Variants in TJP1 observed in about 807,000 individuals in gnomAD.
TJP1 encodes the protein tight junction protein ZO-1.
TJP1 carries 43 observed loss-of-function variants against 194.2 expected under a neutral mutation model. The observed-to-expected ratio is 0.22, with a 90% CI of 0.17 to 0.29. The LOEUF (loss-of-function observed/expected upper bound fraction) is 0.29. TJP1 is among the 10% of genes least tolerant of loss of function. The probability of loss-of-function intolerance (pLI) is 1.00; values close to 1 mark genes in which losing one functional copy is unlikely to be tolerated. For synonymous variants in TJP1, 801 were observed against 779.0 expected (o/e 1.03, Z -0.47); for missense variants, 1,971 against 2,185.7 (o/e 0.90, Z 1.96).
At position 29,822,298 on chromosome 15, in the gene TJP1, T is replaced by C. The variant is rs1330866396; in HGVS notation, c.-270A>G. The C allele has an allele frequency of 8.9e-7, 1 of 1,128,336 alleles. No individual in the cohort carries two copies. The highest frequency in any genetic ancestry group is 4.3e-5 in the East Asian group (1 of 23,172). 69.9% of individuals were successfully genotyped at this position (1,128,336 alleles called of 1,614,324 possible). On this transcript the variant is annotated 5_prime_UTR_variant, in exon 1 of 28. Transcript: ENST00000614355. Reference sequence around the variant, plus strand: ...GCCACCCACTCGGCCTCCCGCAGCTTTCGCAGCCCGGCCACGTCGGCCTCG... The same window carrying C: ...GCCACCCACTCGGCCTCCCGCAGCTCTCGCAGCCCGGCCACGTCGGCCTCG...
intron 27 of TJP1, among the ~76,000 whole-genome samples, chr15:29,703,878 G>A (rs953394051): frequency 2.6e-5 from 4 of 152,036 alleles, no homozygotes; most frequent in African/African-American, 9.7e-5. Context: ...CCTGACCTCA[G>A]GTAATCCACT....
chr15:29,716,789 G>T lies in TJP1; in HGVS notation c.4024C>A (p.Arg1342=), dbSNP rs780095412. The T allele has an allele frequency of 1.1e-5, 18 of 1,611,866 alleles. No homozygotes were observed. The highest frequency in any genetic ancestry group is 1.5e-5 in the Non-Finnish European group (18 of 1,178,058). The change falls in exon 23 of 28, where the codon CGG becomes AGG. Residue 1342 remains arginine, a synonymous_variant. Transcript: ENST00000614355. The part of the protein sequence containing the change: ...PQLKPPEDIV[R]SNHYDPEEDE... ...TCTTCAGGGTCATAATGATTGGACC[G>T]AACAATATCTTCAGGTGGCTTCAGT...
intron 11 of TJP1, 68 bp downstream of exon 11, chr15:29,737,196 G>A: frequency 6.4e-7 from 1 of 1,558,878 alleles, no homozygotes; most frequent in Non-Finnish European, 8.8e-7. Context: ...TAGTAAGCTT[G>A]TTGTTTGATA....
rs145059602 is a variant in TJP1 at position 29,716,256 on chromosome 15, T to G, written c.4202+355A>C. ...AACAGGATCCTCCTCACATCTGTAT[T>G]TATATTTAAAAAATAAAAACAGAAA... On this transcript the variant is annotated intron_variant, in intron 23 of 27. Coordinates refer to ENST00000614355, the MANE Select transcript of TJP1 (RefSeq NM_001330239.4). 1.1e-3 allele frequency among the ~76,000 whole-genome samples: 169 copies of G among 152,320 alleles called. 1 individual carries two copies. Among genetic ancestry groups the G allele is most frequent in the Middle Eastern group, 0.01 (3 of 294 alleles).
intron 2 of TJP1, among the ~76,000 whole-genome samples, chr15:29,920,914 T>C (rs983779020): frequency 1.3e-5 from 2 of 152,166 alleles, no homozygotes; most frequent in African/African-American, 4.8e-5. Context: ...CATTCCTGCG[T>C]GAGGGAAACA....
chr15:29,714,117 C>T (rs971439423), intron 23 of TJP1, among the ~76,000 whole-genome samples: 2 of 152,210 alleles, frequency 1.3e-5, no homozygotes, highest in Non-Finnish European at 2.9e-5. Flanking sequence ...CAATGTTCTA[C>T]ACCCTAAAGT....
chr15:29,945,411 T>A (rs1211347072), intron 2 of TJP1, among the ~76,000 whole-genome samples: 1 of 152,202 alleles, frequency 6.6e-6, no homozygotes, highest in Non-Finnish European at 1.5e-5. Context: ...AACAAGTACT[T>A]ATCGAGAAGC....
At chr15:29,774,742 T>C (rs1420951617) in intron 2 of TJP1, among the ~76,000 whole-genome samples, 3 of 152,030 alleles carry the variant, frequency 2.0e-5, no homozygotes, top group African/African-American at 7.2e-5. Flanking sequence ...TTGTTTGGCA[T>C]GTGAATTATA....
chr15:29,929,951 A>C (rs565338521), intron 2 of TJP1, among the ~76,000 whole-genome samples: 8 of 152,300 alleles, frequency 5.3e-5, no homozygotes, highest in Admixed American at 4.6e-4. Flanking sequence ...AATACTATGA[A>C]CAACTTTATG....
intron 1 of TJP1, among the ~76,000 whole-genome samples, chr15:29,961,686 C>G (rs2056170411): frequency 6.6e-6 from 1 of 152,138 alleles, no homozygotes; most frequent in Non-Finnish European, 1.5e-5. Flanking sequence ...ACAGGCCTGG[C>G]CCCTGGAGGC....
At position 29,701,391 on chromosome 15, in the gene TJP1, G is replaced by T; in HGVS notation, c.*204C>A. On this transcript the variant is annotated 3_prime_UTR_variant, in exon 28 of 28. Transcript: ENST00000614355. ...ACCTCTAGCCAATACCAACAGTCCC[G>T]TCAATCACAAACATGCAGTGTGTAG... 2.2e-6 allele frequency: 1 copy of T among 449,754 alleles called. No individual in the cohort carries two copies. Among genetic ancestry groups the T allele is most frequent in the Non-Finnish European group, 4.0e-6 (1 of 252,792 alleles). The allele number at this position is 449,754 out of a possible 1,614,324, so 27.9% of individuals were successfully genotyped here.
At chr15:29,797,844 T>C (rs967021052) in intron 2 of TJP1, among the ~76,000 whole-genome samples, 1 of 152,114 alleles carries the variant, frequency 6.6e-6, no homozygotes, top group Non-Finnish European at 1.5e-5. Context: ...ATCTCAATAA[T>C]AAGAAAAACC....
At chr15:29,940,344 T>C (rs1453040896) in intron 2 of TJP1, among the ~76,000 whole-genome samples, 1 of 152,126 alleles carries the variant, frequency 6.6e-6, no homozygotes, top group Non-Finnish European at 1.5e-5. Flanking sequence ...AGGTACACAG[T>C]CAGGCCTCAC....
chr15:29,815,151 G>C (rs750468608), intron 1 of TJP1, among the ~76,000 whole-genome samples: 4 of 152,106 alleles, frequency 2.6e-5, no homozygotes, highest in Non-Finnish European at 5.9e-5. Flanking sequence ...AAAGCACCTG[G>C]CTAGCCCATA....
At chr15:29,765,995 A>G (rs1474878172) in intron 5 of TJP1, among the ~76,000 whole-genome samples, 5 of 152,334 alleles carry the variant, frequency 3.3e-5, no homozygotes, top group South Asian at 4.1e-4. Flanking sequence ...TGATGGTGTG[A>G]CATTTCTTGT....
intron 1 of TJP1, among the ~76,000 whole-genome samples, chr15:29,809,613 C>A (rs928730329): frequency 6.6e-6 from 1 of 152,062 alleles, no homozygotes; most frequent in African/African-American, 2.4e-5. Flanking sequence ...GGGAGGCCAA[C>A]GGGGGTGGAT....
chr15:29,869,288 T>C (rs1273868641), intron 2 of TJP1, among the ~76,000 whole-genome samples: 3 of 152,144 alleles, frequency 2.0e-5, no homozygotes, highest in Non-Finnish European at 4.4e-5. Flanking sequence ...AGGAAAAATA[T>C]TTCAACACAG....
intron 15 of TJP1, chr15:29,730,789 C>T (rs1030608235): frequency 6.4e-6 from 5 of 778,204 alleles, no homozygotes; most frequent in East Asian, 2.4e-5. Context: ...AGAAGATCCG[C>T]GAGGTTGTCT....
chr15:29,773,918 C>T (rs779455387), intron 2 of TJP1, among the ~76,000 whole-genome samples: 5 of 152,090 alleles, frequency 3.3e-5, no homozygotes, highest in Non-Finnish European at 5.9e-5. Flanking sequence ...GTAAAATTAC[C>T]TTTTTAAAAA....
Sources: allele counts gnomAD v4.1 joint callset (sites outside exome capture counted in the v4.1 genomes callset), GRCh38; gene constraint gnomAD v4.1.1; transcripts MANE v1.5; gene names NCBI Gene and HGNC (gene_info 2026-07-23, HGNC 2026-07-21).